Variants in THEMIS observed in about 807,000 individuals in gnomAD.
The protein encoded by THEMIS is thymocyte selection associated.
Under a neutral mutation model 52.6 loss-of-function variants are expected in THEMIS, and 37 were observed. That is an observed-to-expected ratio of 0.70 (90% CI 0.54 to 0.93). The LOEUF is 0.93. THEMIS is among the 40% of genes least tolerant of loss of function. The probability of loss-of-function intolerance (pLI) is 0.00; values close to 1 mark genes in which losing one functional copy is unlikely to be tolerated. For synonymous variants in THEMIS, 292 were observed against 272.7 expected (o/e 1.07, Z -0.70); for missense variants, 808 against 763.1 (o/e 1.06, Z -0.69).
chr6:127,873,794 G>A (rs140642457), intron 1 of THEMIS, among the ~76,000 whole-genome samples: 11 of 152,158 alleles, frequency 7.2e-5, no homozygotes, highest in Middle Eastern at 6.8e-3. Flanking sequence ...ATTACATACC[G>A]TATTTTTACA....
intron 1 of THEMIS, among the ~76,000 whole-genome samples, chr6:127,911,419 TTA>T (rs751876569): frequency 6.6e-6 from 1 of 150,984 alleles, no homozygotes; most frequent in Non-Finnish European, 1.5e-5. Flanking sequence ...GATATATATA[TTA>T]TATATATCCA....
At chr6:127,907,530 A>G (rs887643283) in intron 1 of THEMIS, among the ~76,000 whole-genome samples, 2 of 151,684 alleles carry the variant, frequency 1.3e-5, no homozygotes, top group African/African-American at 4.8e-5. Flanking sequence ...TCACATGTAT[A>G]TGTCTCAGCC....
intron 1 of THEMIS, among the ~76,000 whole-genome samples, chr6:127,908,995 C>CA (rs1244422449): frequency 6.6e-6 from 1 of 151,402 alleles, no homozygotes; most frequent in Non-Finnish European, 1.5e-5. Flanking sequence ...CAATTGCTTA[C>CA]AAAAAATCAA....
At chr6:127,733,857 A>C (rs548158346) in intron 4 of THEMIS, among the ~76,000 whole-genome samples, 102 of 152,350 alleles carry the variant, frequency 6.7e-4, no homozygotes, top group African/African-American at 2.2e-3. Flanking sequence ...TGTAGTAAAC[A>C]GAAAAGAAAC....
At chr6:127,810,725 G>A (rs149794361) in intron 4 of THEMIS, among the ~76,000 whole-genome samples, 2 of 152,248 alleles carry the variant, frequency 1.3e-5, no homozygotes, top group African/African-American at 4.8e-5. Flanking sequence ...TCTAGTTGGA[G>A]TAAGCAATAA....
At chr6:127,725,076 C>T (rs919649430) in intron 4 of THEMIS, among the ~76,000 whole-genome samples, 1 of 151,994 alleles carries the variant, frequency 6.6e-6, no homozygotes, top group Non-Finnish European at 1.5e-5. Context: ...CTTGAAGTAT[C>T]CTAGATAATG....
intron 1 of THEMIS, among the ~76,000 whole-genome samples, chr6:127,859,056 G>T (rs1017853685): frequency 6.6e-6 from 1 of 152,098 alleles, no homozygotes; most frequent in African/African-American, 2.4e-5. Flanking sequence ...TGGTTCAATA[G>T]ATTTTCTTCC....
downstream of THEMIS, among the ~76,000 whole-genome samples, chr6:127,707,122 AACTC>A (rs1233431281): frequency 2.0e-5 from 3 of 152,168 alleles, no homozygotes; most frequent in Middle Eastern, 3.4e-3. Flanking sequence ...ATCTCATGAG[AACTC>A]ACTCACTATC....
intron 4 of THEMIS, among the ~76,000 whole-genome samples, chr6:127,721,321 T>C (rs1275028081): frequency 6.6e-6 from 1 of 152,066 alleles, no homozygotes; most frequent in Non-Finnish European, 1.5e-5. Context: ...CTGGTGGTTA[T>C]GCAGCATTGT....
chr6:127,709,941 G>T lies in THEMIS; in HGVS notation c.*44C>A. On this transcript the variant is annotated 3_prime_UTR_variant, in exon 6 of 6. Transcript: ENST00000368248. ...TAGAAGGCTAGCTTCTTTTTTCACT[G>T]CAACATTTATGTTTGCTGCCTAAGT... is the stretch of plus-strand genomic sequence containing the variant. The T allele has an allele frequency of 6.4e-7, 1 of 1,556,728 alleles. No individual in the cohort carries two copies.
intron 1 of THEMIS, among the ~76,000 whole-genome samples, chr6:127,912,518 G>GAGTC (rs1328719854): frequency 6.6e-6 from 1 of 152,174 alleles, no homozygotes; most frequent in Non-Finnish European, 1.5e-5. Flanking sequence ...CTCAAGTTCT[G>GAGTC]AGTCACATAT....
chr6:127,728,001 G>C (rs1450289933), intron 4 of THEMIS, among the ~76,000 whole-genome samples: 1 of 152,100 alleles, frequency 6.6e-6, no homozygotes, highest in Non-Finnish European at 1.5e-5. Context: ...TATAGATCCA[G>C]GCATGGCTCT....
At chr6:127,899,108 G>C (rs1781058235) in intron 1 of THEMIS, among the ~76,000 whole-genome samples, 1 of 151,748 alleles carries the variant, frequency 6.6e-6, no homozygotes, top group African/African-American at 2.4e-5. Context: ...AAAACAACTA[G>C]AGTAGTGGAA....
intron 4 of THEMIS, among the ~76,000 whole-genome samples, chr6:127,743,343 C>T (rs78962634): frequency 0.017 from 2,639 of 152,126 alleles, 82 homozygotes; most frequent in African/African-American, 0.061. Flanking sequence ...TTTTCTCCCA[C>T]GCAAAGCCAA....
At chr6:127,912,785 T>A (rs1781440238) in intron 1 of THEMIS, among the ~76,000 whole-genome samples, 1 of 152,242 alleles carries the variant, frequency 6.6e-6, no homozygotes, top group Non-Finnish European at 1.5e-5. Flanking sequence ...GAGGAAAATC[T>A]ATAATCTTCC....
chr6:127,706,617 C>G (rs1290009209), downstream of THEMIS, among the ~76,000 whole-genome samples: 1 of 151,976 alleles, frequency 6.6e-6, no homozygotes, highest in Non-Finnish European at 1.5e-5. Flanking sequence ...AGAAAAGAAA[C>G]AAGACATGTA....
At chr6:127,718,257 T>C (rs139803915) in intron 5 of THEMIS, among the ~76,000 whole-genome samples, 75 of 152,036 alleles carry the variant, frequency 4.9e-4, no homozygotes, top group Middle Eastern at 3.4e-3. Flanking sequence ...TCTAAATAAA[T>C]GCATGTTAAA....
At chr6:127,747,929 A>T (rs760043403) in intron 4 of THEMIS, among the ~76,000 whole-genome samples, 4 of 152,116 alleles carry the variant, frequency 2.6e-5, no homozygotes, top group African/African-American at 4.8e-5. Flanking sequence ...AAGCAAGTTA[A>T]CTGTAAATGA....
intron 4 of THEMIS, among the ~76,000 whole-genome samples, chr6:127,721,497 A>C (rs936234275): frequency 1.3e-5 from 2 of 152,036 alleles, no homozygotes; most frequent in Non-Finnish European, 2.9e-5. Flanking sequence ...GAGTGTGGTA[A>C]GTCATTTGTA....
Sources: gnomAD v4.1 joint callset for allele counts (sites outside exome capture counted in the v4.1 genomes callset) on GRCh38, gnomAD v4.1.1 for gene constraint, MANE v1.5 for transcripts, NCBI Gene and HGNC (gene_info 2026-07-23, HGNC 2026-07-21) for gene names.